The following EYS variants were observed in gnomAD, a reference collection of about 807,000 sequenced individuals.
EYS encodes EGF-like photoreceptor maintenance factor.
In EYS, 250 loss-of-function variants were observed where a neutral mutation model predicts 282.1. That is an observed-to-expected ratio of 0.89 (90% confidence interval 0.80 to 0.98). The LOEUF is 0.98. Ranked by LOEUF, EYS falls within the 50% of genes least tolerant of loss-of-function variation. EYS has a pLI of 0.00. For missense variants in EYS, 4,016 were observed against 3,709.0 expected (o/e 1.08, Z -2.15); for synonymous variants, 1,355 against 1,282.9 (o/e 1.06, Z -1.20).
chr6:63,904,937 G>A (rs964705212), intron 35 of EYS, among the ~76,000 whole-genome samples: 2 of 152,196 alleles, frequency 1.3e-5, no homozygotes, highest in African/African-American at 4.8e-5. Flanking sequence ...ATTCTAAAGT[G>A]TATAGTTCAG....
chr6:64,412,850 A>C (rs945917089), intron 28 of EYS: 1 of 152,178 alleles, frequency 6.6e-6, no homozygotes, highest in Non-Finnish European at 1.5e-5. Context: ...ACAAACTAAA[A>C]ATTCACAAAG....
intron 26 of EYS, among the ~76,000 whole-genome samples, chr6:64,456,678 C>T (rs186040222): frequency 1.3e-5 from 2 of 151,744 alleles, no homozygotes; most frequent in Non-Finnish European, 2.9e-5. Flanking sequence ...GGTTTTTTTG[C>T]AGGCATATGC....
intron 12 of EYS, among the ~76,000 whole-genome samples, chr6:65,145,097 C>T (rs1222986461): frequency 3.3e-5 from 5 of 151,562 alleles, no homozygotes; most frequent in African/African-American, 9.7e-5. Context: ...ACACACACAC[C>T]ATTCTTCACC....
intron 11 of EYS, among the ~76,000 whole-genome samples, chr6:65,323,901 G>A (rs1438142611): frequency 2.4e-4 from 36 of 151,870 alleles, no homozygotes; most frequent in African/African-American, 8.7e-4. Context: ...CAGAGCATTA[G>A]TAGGGCTTCT....
intron 26 of EYS, among the ~76,000 whole-genome samples, chr6:64,523,434 A>G (rs1018378260): frequency 1.3e-5 from 2 of 151,788 alleles, no homozygotes; most frequent in Non-Finnish European, 2.9e-5. Context: ...ATTTTAATTC[A>G]TATATTAGTA....
intron 26 of EYS, among the ~76,000 whole-genome samples, chr6:64,478,936 C>A (rs1265023169): frequency 1.3e-5 from 2 of 151,382 alleles, no homozygotes; most frequent in Non-Finnish European, 3.0e-5. Context: ...TACAGTTTAT[C>A]CTCTTTATAT....
chr6:65,213,362 A>C (rs1766222945), intron 12 of EYS, among the ~76,000 whole-genome samples: 1 of 152,190 alleles, frequency 6.6e-6, no homozygotes, highest in Admixed American at 6.5e-5. Context: ...TGTTTTTACA[A>C]TACAGACATG....
chr6:65,181,327 C>A (rs1273055083), intron 12 of EYS, among the ~76,000 whole-genome samples: 3 of 152,074 alleles, frequency 2.0e-5, no homozygotes, highest in Non-Finnish European at 4.4e-5. Flanking sequence ...GGGCTAATAT[C>A]CAGAATCTAC....
chr6:65,427,984 A>T (rs1212587042), intron 5 of EYS, among the ~76,000 whole-genome samples: 2 of 152,094 alleles, frequency 1.3e-5, no homozygotes, highest in Admixed American at 6.5e-5. Context: ...TCATTTTATT[A>T]GTAATAAAAT....
chr6:63,766,990 G>C (rs1242623029), intron 40 of EYS, among the ~76,000 whole-genome samples: 1 of 152,032 alleles, frequency 6.6e-6, no homozygotes, highest in Non-Finnish European at 1.5e-5. Flanking sequence ...ACCATATCAT[G>C]TCCTCAATAG....
chr6:64,235,085 T>A (rs1177134551), intron 30 of EYS, among the ~76,000 whole-genome samples: 1 of 134,172 alleles, frequency 7.5e-6, no homozygotes, highest in Non-Finnish European at 1.6e-5. Context: ...TTTTTATTTT[T>A]ATTTTTTTTA....
At position 64,591,082 on chromosome 6, in the gene EYS, G is replaced by A. The variant is rs1766391477; in HGVS notation, c.4785C>T (p.Ser1595=). Residue 1595 remains serine (S), a synonymous_variant, in exon 26 of 43, where the codon AGC becomes AGT. Transcript: ENST00000503581. ...TFWMNSAILA[S]WYALMGAQTI... is the part of the protein sequence containing the mutation. Reference sequence around the variant, plus strand: ...TTTGAGCTCCCATTAGTGCATACCAGCTGGCTAATATCGCTGAGTTCATCC... The same window carrying A: ...TTTGAGCTCCCATTAGTGCATACCAACTGGCTAATATCGCTGAGTTCATCC... The A allele has an allele frequency of 1.3e-6, 2 of 1,551,290 alleles. No homozygotes were observed. The highest frequency in any genetic ancestry group is 1.7e-6 in the Non-Finnish European group (2 of 1,146,776).
chr6:64,011,066 C>T (rs1768596419), intron 33 of EYS, among the ~76,000 whole-genome samples: 1 of 151,870 alleles, frequency 6.6e-6, no homozygotes, highest in Non-Finnish European at 1.5e-5. Flanking sequence ...AGTTTTAGTT[C>T]CTTTTACCTT....
chr6:64,512,966 G>T (rs1252768530), intron 26 of EYS, among the ~76,000 whole-genome samples: 2 of 150,464 alleles, frequency 1.3e-5, no homozygotes, highest in African/African-American at 2.4e-5. Context: ...AAAAAGCAAT[G>T]AATATATAAT....
At chr6:65,119,206 C>T (rs1205404738) in intron 12 of EYS, among the ~76,000 whole-genome samples, 2 of 152,200 alleles carry the variant, frequency 1.3e-5, no homozygotes, top group Non-Finnish European at 2.9e-5. Context: ...AAGACTTGAG[C>T]CTCTGCCAGT....
At chr6:64,831,283 A>G (rs1765206143) in intron 19 of EYS, among the ~76,000 whole-genome samples, 1 of 152,050 alleles carries the variant, frequency 6.6e-6, no homozygotes, top group South Asian at 2.1e-4. Context: ...TGAAGTAGTT[A>G]CTAGGAAAAT....
At chr6:64,193,317 C>CTTT (rs902068121) in intron 31 of EYS, among the ~76,000 whole-genome samples, 1 of 146,754 alleles carries the variant, frequency 6.8e-6, no homozygotes, top group African/African-American at 2.5e-5. Context: ...ATTGTTTTTT[C>CTTT]TTTTTTTTTT....
intron 22 of EYS, among the ~76,000 whole-genome samples, chr6:64,755,497 TACACACACACACACACAC>T (rs56705165): frequency 2.2e-5 from 3 of 139,020 alleles, no homozygotes; most frequent in South Asian, 2.4e-4. Context: ...AGAACATACA[TACACACACACACACACAC>T]ACACACACAC....
In EYS at chr6:65,370,785, C is replaced by A. The variant is rs147049654; in HGVS notation, c.1299+13601G>T. ...TCTGCGCACTTCCTATAAGGGAGTCCCTCCAAATAGGGTTCCACCAACTAC... is the reference window on the plus strand; with the variant it reads ...TCTGCGCACTTCCTATAAGGGAGTCACTCCAAATAGGGTTCCACCAACTAC... On this transcript the variant is annotated intron_variant, in intron 8 of 42. Transcript: ENST00000503581. Among the ~76,000 whole-genome samples, 445 of 152,008 alleles carry A rather than the reference C, an allele frequency of 2.9e-3. 6 individuals carry two copies. Among genetic ancestry groups the A allele is most frequent in the African/African-American group, 0.01 (432 of 41,556 alleles).
Sources: allele counts gnomAD v4.1 joint callset (sites outside exome capture counted in the v4.1 genomes callset), GRCh38; gene constraint gnomAD v4.1.1; transcripts MANE v1.5; gene names NCBI Gene and HGNC (gene_info 2026-07-23, HGNC 2026-07-21).